AP3B2: variants seen among roughly 807,000 people sequenced by gnomAD.
The protein encoded by AP3B2 is adaptor related protein complex 3 subunit beta 2.
Under a neutral mutation model 126.9 loss-of-function variants are expected in AP3B2, and 50 were observed. That is an observed-to-expected ratio of 0.39 (90% CI 0.31 to 0.50). The LOEUF (loss-of-function observed/expected upper bound fraction) is 0.50, where lower values mean the gene tolerates loss of function less well. Ranked by LOEUF, AP3B2 falls within the 20% of genes least tolerant of loss-of-function variation. The probability of loss-of-function intolerance (pLI) is 0.79; values close to 1 mark genes in which losing one functional copy is unlikely to be tolerated. For synonymous variants in AP3B2, 541 were observed against 565.0 expected (o/e 0.96, Z 0.60); for missense variants, 1,177 against 1,426.4 (o/e 0.83, Z 2.82).
chr15:82,682,554 CATAAA>C (rs1447767422), intron 4 of AP3B2, among the ~76,000 whole-genome samples: 5 of 151,976 alleles, frequency 3.3e-5, no homozygotes, highest in African/African-American at 1.2e-4. Context: ...AAACGAGTCA[CATAAA>C]TTTTTTGTTT....
rs572047686 is a variant in AP3B2, at chr15:82,661,911, C to T, written c.2930G>A (p.Arg977Gln). Reference protein sequence around the residue: ...AANFQLCTQTRQFYVSIQPPV... With the variant: ...AANFQLCTQTQQFYVSIQPPV... ...TGGCTGAATGGAGACGTAGAACTGT[C>T]GGGTCTGGGTGCTGGGAGGGGTGGG... is the stretch of plus-strand genomic sequence containing the variant. The change falls in exon 25 of 27, where the codon CGA (arginine) becomes CAA (glutamine). Residue 977 changes from arginine to glutamine, a missense_variant. Arg to Gln is a conservative substitution (Grantham distance 43). Coordinates refer to ENST00000535359, the MANE Select transcript of AP3B2 (RefSeq NM_001278512.2). 18 of 1,613,632 alleles carry T rather than the reference C, an allele frequency of 1.1e-5. No individual in the cohort carries two copies. Among genetic ancestry groups the T allele is most frequent in the African/African-American group, 4.0e-5 (3 of 75,010 alleles).
chr15:82,677,938 C>G lies in AP3B2; in HGVS notation c.1246-135G>C, dbSNP rs1327530244. On this transcript the variant is annotated intron_variant, in intron 11 of 26. Coordinates refer to ENST00000535359, the MANE Select transcript of AP3B2 (RefSeq NM_001278512.2). ...TGGGAAAGGGGGTGACAACTCCACC[C>G]CCAATCCAGTGATTCCTTGGCCCAA... The G allele has an allele frequency of 2.2e-6, 3 of 1,348,838 alleles. No homozygotes were observed. In the African/African-American group the frequency reaches 4.4e-5, roughly 20 times the overall value. The allele number at this position is 1,348,838 out of a possible 1,614,324, so 83.6% of individuals were successfully genotyped here.
chr15:82,663,641 G>A (rs2047996786), intron 20 of AP3B2, 21 bp from the exon 21 acceptor site: 1 of 1,613,856 alleles, frequency 6.2e-7, no homozygotes, highest in Non-Finnish European at 8.5e-7. Flanking sequence ...AAAATGGGAT[G>A]TGGGTGTGGG....
Position 82,680,384 on chromosome 15 carries a change from G to C in AP3B2, c.1055+88C>G, listed in dbSNP as rs893956859. ...GGAGCGGGTGGGCAGAGGTGGAAGC[G>C]GCTGGTGGGCGTGAGGGGGCGGAGC... On this transcript the variant is annotated intron_variant, in intron 8 of 26. Transcript: ENST00000535359. This position sits in a 1 kb window ranked among gnomAD's most constrained non-coding sequence, Gnocchi z 6.1. 6.9e-7 allele frequency: 1 copy of C among 1,453,962 alleles called. No individual in the cohort carries two copies. The allele number at this position is 1,453,962 out of a possible 1,614,324, so 90.1% of individuals were successfully genotyped here.
At chr15:82,692,230 C>T in intron 1 of AP3B2, 3 of 1,068,536 alleles carry the variant, frequency 2.8e-6, no homozygotes, top group Non-Finnish European at 4.1e-6. Flanking sequence ...GCGAAGGGCA[C>T]AAGGCAGTGC....
At chr15:82,672,476 G>C (rs1299699991) in intron 14 of AP3B2, among the ~76,000 whole-genome samples, 1 of 152,080 alleles carries the variant, frequency 6.6e-6, no homozygotes, top group Non-Finnish European at 1.5e-5. Context: ...GGTAGTGGGT[G>C]GGGGAAGTGG....
rs755651127 is a variant in AP3B2 at position 82,679,768 on chromosome 15, G to A, written c.1143C>T (p.Tyr381=). 1.2e-5 allele frequency: 20 copies of A among 1,613,912 alleles called. No individual in the cohort carries two copies. In the African/African-American group the frequency reaches 2.5e-4, roughly 20 times the overall value. The stretch of plus-strand genomic sequence containing the variant: ...TCTGGGTGGGGTCGGTGGACCTGAT[G>A]TAGAAGCTCTTCAGGTAGGGCTCAA... ...GMFEPYLKSF[Y]IRSTDPTQIK... Residue 381 remains tyrosine (Y), a synonymous_variant, in exon 10 of 27, where the codon TAC becomes TAT. Transcript: ENST00000535359.
intron 4 of AP3B2, chr15:82,686,403 AAAACAAGTT>A (rs2048427388): frequency 2.0e-5 from 3 of 152,250 alleles, no homozygotes; most frequent in African/African-American, 7.2e-5. Context: ...AACAAAAAAG[AAAACAAGTT>A]TTAAAGGAAT....
At position 82,666,867 on chromosome 15, in the gene AP3B2, G is replaced by T. The variant is rs140388339; in HGVS notation, c.1732C>A (p.Arg578=). The change falls in exon 15 of 27, where the codon CGG becomes AGG. Residue 578 remains arginine, a synonymous_variant. Transcript: ENST00000535359. The part of the protein sequence containing the change: ...KYDQNYDIRD[R]ARFTRQLIVP... Reference sequence around the variant, plus strand: ...ATGAGCTGCCGGGTGAAGCGCGCCCGGTCGCGAATATCATAGTTCTGGTCA... The same window carrying T: ...ATGAGCTGCCGGGTGAAGCGCGCCCTGTCGCGAATATCATAGTTCTGGTCA... 2 of 1,614,018 alleles carry T rather than the reference G, an allele frequency of 1.2e-6. No individual in the cohort carries two copies. Among genetic ancestry groups the T allele is most frequent in the African/African-American group, 1.3e-5 (1 of 75,042 alleles).
chr15:82,660,023 G>C (rs777157363), intron 25 of AP3B2, 40 bp from the exon 26 acceptor site: 1 of 1,598,016 alleles, frequency 6.3e-7, no homozygotes, highest in Non-Finnish European at 8.6e-7. Context: ...GGCCATGGTG[G>C]GTACAGAGGC....
rs201428733 is a variant in AP3B2 at position 82,659,567 on chromosome 15, G to A, written c.3299C>T (p.Thr1100Ile). The change falls in exon 27 of 27, where the codon ACC (threonine) becomes ATC (isoleucine). Residue 1100 changes from threonine to isoleucine, a missense_variant. Thr to Ile is a moderately conservative substitution (Grantham distance 89, BLOSUM62 -1). Transcript: ENST00000535359. ...MLVKDVIQAL[T>I]Q ...GGTCACAGCATTTGGAAGTCACTGG[G>A]TCAGAGCCTGTATCACATCCTTTAC... 316 of 1,613,720 alleles carry A rather than the reference G, an allele frequency of 2.0e-4. No homozygotes were observed. The highest frequency in any genetic ancestry group is 2.5e-4 in the Non-Finnish European group (296 of 1,179,864).
intron 1 of AP3B2, among the ~76,000 whole-genome samples, chr15:82,692,983 T>C (rs1315758399): frequency 6.7e-6 from 1 of 149,844 alleles, no homozygotes; most frequent in Non-Finnish European, 1.5e-5. Context: ...AAAAAATCAG[T>C]AGGTAAGAAC....
At chr15:82,661,978 TTCCCACC>T in intron 24 of AP3B2, 56 bp from the exon 25 acceptor site, 1 of 1,506,000 alleles carries the variant, frequency 6.6e-7, no homozygotes, top group Non-Finnish European at 9.2e-7. Context: ...CTCCCCTCAC[TTCCCACC>T]CTGTGTAGAG....
intron 1 of AP3B2, among the ~76,000 whole-genome samples, chr15:82,703,718 A>G (rs1189517091): frequency 6.6e-6 from 1 of 152,100 alleles, no homozygotes; most frequent in Non-Finnish European, 1.5e-5. Flanking sequence ...TCTTTTACAC[A>G]TCGGTCCCTC....
chr15:82,660,134 G>A (rs1288612741), intron 25 of AP3B2, among the ~76,000 whole-genome samples, 151 bp from the exon 26 acceptor site: 1 of 152,114 alleles, frequency 6.6e-6, no homozygotes, highest in Non-Finnish European at 1.5e-5. Context: ...TGGGGAGAAG[G>A]TACTTCCCTC....
chr15:82,688,698 G>A (rs1267290016), intron 4 of AP3B2, 38 bp downstream of exon 4: 6 of 1,562,160 alleles, frequency 3.8e-6, no homozygotes, highest in East Asian at 2.3e-5. Context: ...CAGCGCCAAC[G>A]AGGCCCAGGC....
Position 82,665,380 on chromosome 15 carries a change from C to CACACACACACACAT in AP3B2, c.1971+76_1971+77insATGTGTGTGTGTGT, listed in dbSNP as rs1414250444. ...TCCCTACTGTCTGCCCCCACCAACA[C>CACACACACACACAT]ACACACACACACACACACACACACA... On this transcript the variant is annotated intron_variant, in intron 16 of 26. Coordinates refer to ENST00000535359, the MANE Select transcript of AP3B2 (RefSeq NM_001278512.2). This position sits in a 1 kb window ranked among gnomAD's most constrained non-coding sequence, Gnocchi z 4.4. The CACACACACACACAT allele has an allele frequency of 3.2e-4, 12 of 37,466 alleles. No homozygotes were observed. Among genetic ancestry groups the CACACACACACACAT allele is most frequent in the African/African-American group, 2.1e-3 (12 of 5,706 alleles). The allele number at this position is 37,466 out of a possible 1,614,324, so 2.3% of individuals were successfully genotyped here.
At position 82,665,376 on chromosome 15, in the gene AP3B2, A is replaced by AACACACACACACACAC. The variant is rs60428596; in HGVS notation, c.1971+65_1972-74dup. ...GGGCTCCCTACTGTCTGCCCCCACC[A>AACACACACACACACAC]ACACACACACACACACACACACACA... On this transcript the variant is annotated intron_variant, in intron 16 of 26. Coordinates refer to ENST00000535359, the MANE Select transcript of AP3B2 (RefSeq NM_001278512.2). The surrounding 1 kb of genome is among the most constrained non-coding windows in gnomAD (Gnocchi z 4.4). The AACACACACACACACAC allele has an allele frequency of 2.1e-4, 265 of 1,257,760 alleles. 1 individual carries two copies. The highest frequency in any genetic ancestry group is 1.2e-3 in the African/African-American group (68 of 58,094). The allele number at this position is 1,257,760 out of a possible 1,614,324, so 77.9% of individuals were successfully genotyped here.
chr15:82,678,715 A>C (rs1295942583), intron 10 of AP3B2, among the ~76,000 whole-genome samples: 1 of 152,034 alleles, frequency 6.6e-6, no homozygotes, highest in Non-Finnish European at 1.5e-5. Flanking sequence ...AGGTCTCCCT[A>C]TTTTATGCCC....
Sources: gnomAD v4.1 joint callset for allele counts (sites outside exome capture counted in the v4.1 genomes callset) on GRCh38, gnomAD v4.1.1 for gene constraint, Gnocchi (gnomAD v3.1) non-coding constraint, MANE v1.5 for transcripts, NCBI Gene and HGNC (gene_info 2026-07-23, HGNC 2026-07-21) for gene names.